RORB: variants seen among roughly 807,000 people sequenced by gnomAD.
The protein encoded by RORB is nuclear receptor ROR-beta.
A neutral mutation model predicts 59.1 loss-of-function variants in RORB; 6 were observed. That is an observed-to-expected ratio of 0.10 (90% CI 0.06 to 0.20). The LOEUF is 0.20. Among genes scored for constraint, RORB ranks in the 10% least tolerant of loss-of-function variants. The probability of loss-of-function intolerance (pLI) is 1.00; values close to 1 mark genes in which losing one functional copy is unlikely to be tolerated. For synonymous variants in RORB, 215 were observed against 204.5 expected, an observed-to-expected ratio of 1.05 and a Z score of -0.44; for missense variants, 320 against 560.5, an observed-to-expected ratio of 0.57 and a Z score of 4.33.
At chr9:74,575,208 C>T (rs936471383) in intron 1 of RORB, among the ~76,000 whole-genome samples, 13 of 152,006 alleles carry the variant, frequency 8.6e-5, no homozygotes, top group Non-Finnish European at 1.3e-4. Context: ...TTAAAATTAC[C>T]CGGTATTACT....
At chr9:74,503,769 T>C (rs1192199822) in intron 1 of RORB, among the ~76,000 whole-genome samples, 1 of 151,978 alleles carries the variant, frequency 6.6e-6, no homozygotes, top group African/African-American at 2.4e-5. Context: ...CATAGAGGAA[T>C]AAATATTGAT....
In RORB at chr9:74,562,687, G is replaced by A. The variant is rs1587360528; in HGVS notation, c.7+64704G>A. Among the ~76,000 whole-genome samples the A allele has an allele frequency of 2.0e-5, 3 of 152,176 alleles. 1 individual carries two copies. The South Asian group carries it at 6.2e-4, about 32-fold the overall frequency. ...TTCTTAACAAACATCAGTCAACATG[G>A]ACACTGGAATCCATGTCAGTGAGGA... On this transcript the variant is annotated intron_variant, in intron 1 of 9. Transcript: ENST00000376896.
At chr9:74,640,329 C>T (rs1823779088) in intron 3 of RORB, among the ~76,000 whole-genome samples, 1 of 152,106 alleles carries the variant, frequency 6.6e-6, no homozygotes. Flanking sequence ...CAGTTTCTGC[C>T]TCCTGGGTTC....
chr9:74,500,857 T>G (rs551891272), intron 1 of RORB, among the ~76,000 whole-genome samples: 1 of 152,126 alleles, frequency 6.6e-6, no homozygotes, highest in Non-Finnish European at 1.5e-5. Flanking sequence ...TACTCTAGCC[T>G]GGGGCGGAGG....
intron 1 of RORB, among the ~76,000 whole-genome samples, chr9:74,544,419 C>A (rs1168758657): frequency 6.6e-6 from 1 of 152,134 alleles, no homozygotes; most frequent in African/African-American, 2.4e-5. Context: ...GGATGTGCTC[C>A]AGTGATTGCT....
chr9:74,613,120 A>T (rs752450380), intron 1 of RORB, among the ~76,000 whole-genome samples: 1 of 152,218 alleles, frequency 6.6e-6, no homozygotes, highest in Non-Finnish European at 1.5e-5. Flanking sequence ...GCCAAAATGC[A>T]TATCTCCACG....
At chr9:74,677,779 T>A (rs948175822) in intron 9 of RORB, among the ~76,000 whole-genome samples, 4 of 152,222 alleles carry the variant, frequency 2.6e-5, no homozygotes, top group African/African-American at 9.6e-5. Context: ...AATGATAATG[T>A]GCTGTATTAA....
chr9:74,617,144 G>A (rs1394363768), intron 1 of RORB, among the ~76,000 whole-genome samples: 1 of 150,768 alleles, frequency 6.6e-6, no homozygotes, highest in African/African-American at 2.4e-5. Context: ...CTAAAAAATG[G>A]AAAAGAAATT....
At chr9:74,586,751 G>A (rs564434578) in intron 1 of RORB, among the ~76,000 whole-genome samples, 5 of 152,108 alleles carry the variant, frequency 3.3e-5, no homozygotes, top group African/African-American at 9.6e-5. Flanking sequence ...TTTGTGTTTT[G>A]CTCTGTATTT....
intron 9 of RORB, among the ~76,000 whole-genome samples, chr9:74,680,348 G>A (rs1824527424): frequency 2.6e-5 from 4 of 152,046 alleles, no homozygotes; most frequent in Admixed American, 2.6e-4. Flanking sequence ...CCCTCTCTGA[G>A]TACCAGTTTT....
intron 1 of RORB, among the ~76,000 whole-genome samples, chr9:74,561,487 G>A (rs1822396093): frequency 6.6e-6 from 1 of 151,970 alleles, no homozygotes; most frequent in African/African-American, 2.4e-5. Flanking sequence ...AACATTTTAG[G>A]ACTTAATGTG....
chr9:74,603,273 C>T (rs1200691373), intron 1 of RORB, among the ~76,000 whole-genome samples: 1 of 152,172 alleles, frequency 6.6e-6, no homozygotes, highest in East Asian at 1.9e-4. Flanking sequence ...CTCTTTGGTG[C>T]AATGGCAGTG....
intron 1 of RORB, among the ~76,000 whole-genome samples, chr9:74,564,542 C>A (rs1035448709): frequency 6.6e-6 from 1 of 152,176 alleles, no homozygotes; most frequent in Non-Finnish European, 1.5e-5. Context: ...AAGCATTGTA[C>A]TTGTTTTGGC....
At position 74,689,543 on chromosome 9, in the gene RORB, G is replaced by A. The variant is rs1470701959; in HGVS notation, c.*3925G>A. On this transcript the variant is annotated 3_prime_UTR_variant, in exon 10 of 10. Coordinates refer to ENST00000376896, the MANE Select transcript of RORB (RefSeq NM_006914.4). ...AAGTACCTCTGAGTAGGTAAAATCA[G>A]AGAATATAACGATCTCCTGAGTGAT... 1.3e-5 allele frequency: 2 copies of A among 152,190 alleles called. No homozygotes were observed. The highest frequency in any genetic ancestry group is 2.9e-5 in the Non-Finnish European group (2 of 68,044). 9.4% of individuals were successfully genotyped at this position (152,190 alleles called of 1,614,324 possible).
rs572711599 is a variant in RORB at position 74,690,472 on chromosome 9, A to G, written c.*4854A>G. The G allele has an allele frequency of 2.6e-5, 4 of 152,358 alleles. No homozygotes were observed. The East Asian group carries it at 7.7e-4, about 29-fold the overall frequency. 9.4% of individuals were successfully genotyped at this position (152,358 alleles called of 1,614,324 possible). A position where few individuals can be genotyped will look rare whatever the true frequency, so the allele number is the denominator to read the frequency against. ...TGCTGCTAGAGCTTCTGAATTTTATAAAATCTCTGAAATTATACATGATGG... is the reference window on the plus strand; with the variant it reads ...TGCTGCTAGAGCTTCTGAATTTTATGAAATCTCTGAAATTATACATGATGG... On this transcript the variant is annotated 3_prime_UTR_variant, in exon 10 of 10. Coordinates refer to ENST00000376896, the MANE Select transcript of RORB (RefSeq NM_006914.4).
At chr9:74,595,665 C>T (rs1587376331) in intron 1 of RORB, among the ~76,000 whole-genome samples, 1 of 152,192 alleles carries the variant, frequency 6.6e-6, no homozygotes, top group East Asian at 1.9e-4. Context: ...TTACCACTTT[C>T]TGTGTCACCC....
intron 9 of RORB, among the ~76,000 whole-genome samples, chr9:74,679,817 T>G (rs1182932133): frequency 6.6e-6 from 1 of 152,104 alleles, no homozygotes; most frequent in Admixed American, 6.6e-5. Context: ...CAAGTTGATG[T>G]ATTCATTAAG....
At chr9:74,661,485 T>C (rs1051456362) in intron 5 of RORB, among the ~76,000 whole-genome samples, 1 of 152,158 alleles carries the variant, frequency 6.6e-6, no homozygotes, top group African/African-American at 2.4e-5. Flanking sequence ...TGTGTCGCTA[T>C]GGTCAATAAA....
At chr9:74,623,738 T>C (rs1587390697) in intron 1 of RORB, among the ~76,000 whole-genome samples, 1 of 152,312 alleles carries the variant, frequency 6.6e-6, no homozygotes, top group Non-Finnish European at 1.5e-5. Flanking sequence ...CCAATGCCAC[T>C]GTTCTGTGGA....
Sources: allele counts gnomAD v4.1 joint callset (sites outside exome capture counted in the v4.1 genomes callset), GRCh38; gene constraint gnomAD v4.1.1; transcripts MANE v1.5; gene names NCBI Gene and HGNC (gene_info 2026-07-23, HGNC 2026-07-21).